Variants in C2CD5 observed in about 807,000 individuals in gnomAD.
C2CD5 encodes C2 calcium dependent domain containing 5, also known as C2 domain-containing protein 5.
C2CD5 carries 109 observed loss-of-function variants against 130.3 expected under a neutral mutation model. The observed-to-expected ratio is 0.84, with a 90% confidence interval of 0.72 to 0.98. The LOEUF (loss-of-function observed/expected upper bound fraction) is 0.98. C2CD5 is among the 50% of genes least tolerant of loss of function. C2CD5 has a pLI of 0.00. For synonymous variants in C2CD5, 454 were observed against 429.2 expected (o/e 1.06, Z -0.71); for missense variants, 996 against 1,261.8 (o/e 0.79, Z 3.19).
intron 3 of C2CD5, among the ~76,000 whole-genome samples, chr12:22,531,307 G>A (rs1951254100): frequency 6.6e-6 from 1 of 152,120 alleles, no homozygotes; most frequent in African/African-American, 2.4e-5. Flanking sequence ...AATGAGAAGA[G>A]AATCAAAATA....
At position 22,544,120 on chromosome 12, in the gene C2CD5, C is replaced by T; in HGVS notation, c.31G>A (p.Ala11Thr). 6.2e-7 allele frequency: 1 copy of T among 1,614,124 alleles called. No individual in the cohort carries two copies. Among genetic ancestry groups the T allele is most frequent in the Non-Finnish European group, 8.5e-7 (1 of 1,179,986 alleles). The change falls in exon 2 of 27, where the codon GCC becomes ACC. Residue 11 changes from alanine (A) to threonine (T), a missense_variant. Physicochemically the swap from Ala to Thr is moderately conservative, Grantham distance 58 (BLOSUM62 0). This residue lies in a region of C2CD5 where 68 missense variants were observed against 154.5 expected (regional missense o/e 0.44). Transcript: ENST00000446597. MPGKLKVKIV[A>T]GRHLPVMDRA... Reference sequence around the variant, plus strand: ...TCCATCACTGGCAAATGGCGCCCGGCCACGATTTTCACCTTCAGCTTCCCT... The same window carrying T: ...TCCATCACTGGCAAATGGCGCCCGGTCACGATTTTCACCTTCAGCTTCCCT...
intron 21 of C2CD5, 35 bp downstream of exon 21, chr12:22,470,789 A>C: frequency 7.7e-7 from 1 of 1,298,644 alleles, no homozygotes; most frequent in Non-Finnish European, 1.1e-6. Context: ...ACACAGACAA[A>C]CACAAACTGA....
chr12:22,478,403 A>G lies in C2CD5; in HGVS notation c.1812T>C (p.Asp604=), dbSNP rs993830021. ...GIQIAGKTPN[D]GSYEQHISHM... is the part of the protein sequence containing the mutation. Reference sequence around the variant, plus strand: ...GAGAGATGTGTTGTTCATATGAGCCATCATTAGGAGTCTTCCCAGCAATCT... The same window carrying G: ...GAGAGATGTGTTGTTCATATGAGCCGTCATTAGGAGTCTTCCCAGCAATCT... Residue 604 remains aspartate (D), a synonymous_variant, in exon 15 of 27, where the codon GAT becomes GAC. Transcript: ENST00000446597. 2 of 1,613,270 alleles carry G rather than the reference A, an allele frequency of 1.2e-6. No homozygotes were observed. The highest frequency in any genetic ancestry group is 4.5e-5 in the East Asian group (2 of 44,834).
chr12:22,518,456 T>C (rs1003076322), intron 7 of C2CD5, among the ~76,000 whole-genome samples: 4 of 152,226 alleles, frequency 2.6e-5, no homozygotes, highest in Non-Finnish European at 5.9e-5. Flanking sequence ...TAAACAATGC[T>C]GTAAGTTACA....
At chr12:22,482,477 A>G in intron 14 of C2CD5, 80 bp downstream of exon 14, 1 of 1,213,724 alleles carries the variant, frequency 8.2e-7, no homozygotes, top group Non-Finnish European at 1.2e-6. Flanking sequence ...AGCCTTTGAA[A>G]AGACTATTTG....
At chr12:22,532,744 T>A (rs1156511703) in intron 3 of C2CD5, among the ~76,000 whole-genome samples, 1 of 152,178 alleles carries the variant, frequency 6.6e-6, no homozygotes. Context: ...TTCAAGCAAA[T>A]CAATACTTTC....
At chr12:22,479,590 A>C (rs1437913580) in intron 14 of C2CD5, among the ~76,000 whole-genome samples, 1 of 152,176 alleles carries the variant, frequency 6.6e-6, no homozygotes, top group Non-Finnish European at 1.5e-5. Flanking sequence ...AACGATCTGA[A>C]CTGAGTGTTT....
chr12:22,515,156 G>C (rs1407755499), intron 8 of C2CD5: 6 of 983,386 alleles, frequency 6.1e-6, no homozygotes, highest in Non-Finnish European at 7.2e-6. Context: ...AGGTGCTGTG[G>C]AGGAAAGTAG....
At chr12:22,468,425 C>G (rs1000225427) in intron 22 of C2CD5, among the ~76,000 whole-genome samples, 1 of 152,012 alleles carries the variant, frequency 6.6e-6, no homozygotes, top group African/African-American at 2.4e-5. Flanking sequence ...ACTGTGTTGC[C>G]CAGGCTGGTC....
Position 22,472,321 on chromosome 12 carries a change from T to G in C2CD5, c.2134A>C (p.Met712Leu). The G allele has an allele frequency of 4.7e-6, 7 of 1,504,020 alleles. No homozygotes were observed. The highest frequency in any genetic ancestry group is 6.4e-6 in the Non-Finnish European group (7 of 1,096,618). 93.2% of individuals were successfully genotyped at this position (1,504,020 alleles called of 1,614,324 possible). ...SGFYSCNTEI[M>L]PGINNWTSEI... is the part of the protein sequence containing the mutation. ...GAGGTCCAATTATTTATACCGGGCA[T>G]AATTTCTGTATTACAACTATAAAAG... is the stretch of plus-strand genomic sequence containing the variant. Residue 712 changes from methionine to leucine, a missense_variant, in exon 18 of 27, where the codon ATG becomes CTG. Physicochemically the swap from Met to Leu is conservative, Grantham distance 15. Around this residue, in one of 9 missense-constraint regions of C2CD5, gnomAD observed 590 missense variants for 631.4 expected, o/e 0.93. Transcript: ENST00000446597.
chr12:22,486,753 G>C (rs368015652), intron 12 of C2CD5, among the ~76,000 whole-genome samples: 1 of 152,138 alleles, frequency 6.6e-6, no homozygotes, highest in African/African-American at 2.4e-5. Context: ...TTAAGGAAAT[G>C]CCGAGAATGT....
At position 22,458,562 on chromosome 12, in the gene C2CD5, AG is replaced by A; in HGVS notation, c.2607del (p.Phe870LeufsTer9). The A allele has an allele frequency of 1.5e-6, 2 of 1,291,426 alleles. No individual in the cohort carries two copies. The highest frequency in any genetic ancestry group is 9.8e-7 in the Non-Finnish European group (1 of 1,018,172). 80.0% of individuals were successfully genotyped at this position (1,291,426 alleles called of 1,614,324 possible). ...AQRATSVDYS[S>X]FADRCSSWIE... ...ATCCAGCTGCTGCATCTGTCTGCAAAGGAACTGTAATCAACTGACGTTGCTG... is the reference window on the plus strand; with the variant it reads ...ATCCAGCTGCTGCATCTGTCTGCAAAGAACTGTAATCAACTGACGTTGCTG... On this transcript the variant is annotated frameshift_variant, in exon 24 of 27. Transcript: ENST00000446597. LOFTEE classifies it high-confidence loss of function.
chr12:22,458,463 G>A (rs1300504188), intron 24 of C2CD5, 21 bp downstream of exon 24: 9 of 1,088,312 alleles, frequency 8.3e-6, no homozygotes, highest in Non-Finnish European at 1.1e-5. Flanking sequence ...TTATCATAAT[G>A]TGGTAGAAAC....
chr12:22,512,548 A>G, intron 9 of C2CD5: 1 of 888,992 alleles, frequency 1.1e-6, no homozygotes, highest in Non-Finnish European at 1.7e-6. Context: ...AAACGCTGTC[A>G]ACATTTGCTA....
chr12:22,543,593 GGTGTGTGTGTGCCTGT>G (rs1555211675), intron 2 of C2CD5, among the ~76,000 whole-genome samples: 7 of 152,270 alleles, frequency 4.6e-5, no homozygotes, highest in African/African-American at 1.7e-4. Flanking sequence ...CCCTTCCAAG[GGTGTGTGTGTGCCTGT>G]GTGTGTGTGT....
At chr12:22,503,597 A>G (rs1463794383) in intron 10 of C2CD5, among the ~76,000 whole-genome samples, 1 of 151,976 alleles carries the variant, frequency 6.6e-6, no homozygotes, top group Admixed American at 6.6e-5. Context: ...TGCAACCTCC[A>G]TCTCTAGGGT....
chr12:22,502,299 G>T lies in C2CD5; in HGVS notation c.1147+4412C>A, dbSNP rs902107755. Reference sequence around the variant, plus strand: ...AAATGCTAACAGTTACACTTTTACAGTAGCCTATAGAACACTAAATCTATT... The same window carrying T: ...AAATGCTAACAGTTACACTTTTACATTAGCCTATAGAACACTAAATCTATT... On this transcript the variant is annotated intron_variant, in intron 10 of 26. Coordinates refer to ENST00000446597, the MANE Select transcript of C2CD5 (RefSeq NM_001286176.2). Among the ~76,000 whole-genome samples, 6 of 152,110 alleles carry T rather than the reference G, an allele frequency of 3.9e-5. No homozygotes were observed. In the East Asian group the frequency reaches 1.2e-3, roughly 29 times the overall value.
intron 9 of C2CD5, among the ~76,000 whole-genome samples, chr12:22,510,700 G>A (rs570927905): frequency 3.1e-4 from 47 of 152,212 alleles, no homozygotes; most frequent in Non-Finnish European, 6.0e-4. Context: ...CTCACTAACA[G>A]GTATTTTAAA....
chr12:22,487,903 G>A (rs1309028638), intron 12 of C2CD5, among the ~76,000 whole-genome samples: 1 of 152,008 alleles, frequency 6.6e-6, no homozygotes, highest in Non-Finnish European at 1.5e-5. Flanking sequence ...TCCTTTGTAG[G>A]GACATGGATG....
Sources: gnomAD v4.1 joint callset for allele counts (sites outside exome capture counted in the v4.1 genomes callset) on GRCh38, gnomAD v4.1.1 for gene constraint, gnomAD v4.1.1 regional missense constraint, MANE v1.5 for transcripts, NCBI Gene and HGNC (gene_info 2026-07-23, HGNC 2026-07-21) for gene names.